The following PPP2R2D variants were observed in gnomAD, a reference collection of about 807,000 sequenced individuals.
The protein encoded by PPP2R2D is protein phosphatase 2 regulatory subunit Bdelta.
Under a neutral mutation model 31.1 loss-of-function variants are expected in PPP2R2D, and 9 were observed. The ratio of observed to expected loss-of-function variants is 0.29; its 90% CI spans 0.17 to 0.51. The LOEUF (loss-of-function observed/expected upper bound fraction) is 0.51. PPP2R2D is among the 20% of genes least tolerant of loss of function. The pLI is 0.98. For missense variants in PPP2R2D, 391 were observed against 465.6 expected, an observed-to-expected ratio of 0.84 and a Z score of 1.48; for synonymous variants, 179 against 172.6, an observed-to-expected ratio of 1.04 and a Z score of -0.29.
Position 131,947,699 on chromosome 10 carries a change from G to C in PPP2R2D, c.990G>C (p.Gln330His), listed in dbSNP as rs782691603. Reference sequence around the variant, plus strand: ...AGAGCAGGCCGGTGGAGACCCACCAGGTCCACGAGTACCTGCGCAGCAAGC... The same window carrying C: ...AGAGCAGGCCGGTGGAGACCCACCACGTCCACGAGTACCTGCGCAGCAAGC... ...NMESRPVETH[Q>H]VHEYLRSKLC... is the part of the protein sequence containing the mutation. Residue 330 changes from glutamine (Q) to histidine (H), a missense_variant, in exon 8 of 9, where the codon CAG becomes CAC. Gln to His is a conservative substitution (Grantham distance 24, BLOSUM62 0). Coordinates refer to ENST00000455566, the MANE Select transcript of PPP2R2D (RefSeq NM_018461.5). The surrounding 1 kb of genome is among the most constrained non-coding windows in gnomAD (Gnocchi z 4.3). 1.2e-6 allele frequency: 2 copies of C among 1,614,208 alleles called. No homozygotes were observed. Among genetic ancestry groups the C allele is most frequent in the Non-Finnish European group, 8.5e-7 (1 of 1,180,040 alleles).
At chr10:131,971,372 G>A in the PPP2R2D span, 5 of 244,818 alleles carry the variant, frequency 2.0e-5, no homozygotes, top group African/African-American at 9.1e-5. Flanking sequence ...GCTCAAAACA[G>A]GGACATGACG....
Position 131,940,191 on chromosome 10 carries a change from C to T in PPP2R2D, c.359C>T (p.Thr120Ile), listed in dbSNP as rs1554897022. The change falls in exon 4 of 9, where the codon ACA (threonine) becomes ATA (isoleucine). Residue 120 changes from threonine to isoleucine, a missense_variant. Thr to Ile is a moderately conservative substitution (Grantham distance 89). Around this residue, in one of 3 missense-constraint regions of PPP2R2D, gnomAD observed 105 missense variants for 98.5 expected, o/e 1.07. Coordinates refer to ENST00000455566, the MANE Select transcript of PPP2R2D (RefSeq NM_018461.5). The stretch of plus-strand genomic sequence containing the variant: ...AATGCTGCTCATTTTCTACTGTCTA[C>T]AAATGGTAAGAATTGTGTTCTAAGT... ...QQNAAHFLLS[T>I]NDKTIKLWKI... The T allele has an allele frequency of 6.7e-6, 5 of 741,186 alleles. No individual in the cohort carries two copies. The allele number at this position is 741,186 out of a possible 1,614,324, so 45.9% of individuals were successfully genotyped here.
chr10:131,927,035 G>T (rs920582046), intron 2 of PPP2R2D, among the ~76,000 whole-genome samples: 19 of 152,254 alleles, frequency 1.2e-4, no homozygotes, highest in Non-Finnish European at 2.4e-4. Context: ...GGGTCATCCC[G>T]CTCCAGGTGG....
chr10:131,925,178 A>G (rs2036080613), intron 2 of PPP2R2D, among the ~76,000 whole-genome samples: 1 of 152,190 alleles, frequency 6.6e-6, no homozygotes, highest in South Asian at 2.1e-4. Context: ...TAGAATTTCC[A>G]GTAGAATGTT....
chr10:131,916,275 A>G (rs566294375), intron 2 of PPP2R2D, among the ~76,000 whole-genome samples: 194 of 151,078 alleles, frequency 1.3e-3, no homozygotes, highest in African/African-American at 4.5e-3. Context: ...GGTTTGGGCC[A>G]TGTTTCACTT....
intron 2 of PPP2R2D, among the ~76,000 whole-genome samples, 186 bp from the exon 3 acceptor site, chr10:131,934,272 G>T (rs369291868): frequency 6.6e-6 from 1 of 152,168 alleles, no homozygotes; most frequent in South Asian, 2.1e-4. Context: ...TGTGCCGGCA[G>T]GTTCTCTGCA....
rs527317977 is a variant in PPP2R2D, at chr10:131,959,227, G to A, written c.*3264G>A. On this transcript the variant is annotated 3_prime_UTR_variant, in exon 9 of 9. Transcript: ENST00000455566. ...CCCGTCCTCCTGTGGAGATGAAGGC[G>A]TGTGCTGATCCCCCGTCCCCCTGTG... 47 of 177,792 alleles carry A rather than the reference G, an allele frequency of 2.6e-4. No individual in the cohort carries two copies. Among genetic ancestry groups the A allele is most frequent in the African/African-American group, 1.0e-3 (38 of 37,198 alleles). The allele number at this position is 177,792 out of a possible 1,614,324, so 11.0% of individuals were successfully genotyped here.
intron 2 of PPP2R2D, among the ~76,000 whole-genome samples, chr10:131,929,744 A>G (rs1554895423): frequency 6.6e-6 from 1 of 152,062 alleles, no homozygotes; most frequent in African/African-American, 2.4e-5. Flanking sequence ...CCTGGGGCAC[A>G]TGGTCCTGAC....
At chr10:131,907,383 C>T in intron 2 of PPP2R2D, among the ~76,000 whole-genome samples, 1 of 152,140 alleles carries the variant, frequency 6.6e-6, no homozygotes, top group Middle Eastern at 3.2e-3. Flanking sequence ...TAATATTTTG[C>T]AGTTTGACTT....
chr10:131,920,443 G>A (rs115083911), intron 2 of PPP2R2D, among the ~76,000 whole-genome samples: 1 of 152,210 alleles, frequency 6.6e-6, no homozygotes, highest in Non-Finnish European at 1.5e-5. Context: ...AGTGTTTGTG[G>A]GGACCTCACG....
At position 131,945,541 on chromosome 10, in the gene PPP2R2D, G is replaced by T; in HGVS notation, c.820+82G>T. On this transcript the variant is annotated intron_variant, in intron 7 of 8. Coordinates refer to ENST00000455566, the MANE Select transcript of PPP2R2D (RefSeq NM_018461.5). The surrounding 1 kb of genome is among the most constrained non-coding windows in gnomAD (Gnocchi z 4.8). ...GTGACACAGTCTCGGCTCACGGCAA[G>T]CTCCGCCTCCCGGGTTCCAGCAAGT... 1 of 1,478,838 alleles carries T rather than the reference G, an allele frequency of 6.8e-7. No individual in the cohort carries two copies. The highest frequency in any genetic ancestry group is 9.1e-7 in the Non-Finnish European group (1 of 1,100,826). 91.6% of individuals were successfully genotyped at this position (1,478,838 alleles called of 1,614,324 possible).
At chr10:131,951,060 ACCATGAATGGGGTTT>A (rs2036627076) in intron 8 of PPP2R2D, among the ~76,000 whole-genome samples, 1 of 152,238 alleles carries the variant, frequency 6.6e-6, no homozygotes, top group South Asian at 2.1e-4. Flanking sequence ...AAGAGCAAAA[ACCATGAATGGGGTTT>A]CGCAGAAATG....
intron 3 of PPP2R2D, chr10:131,935,087 G>A (rs1421406381): frequency 2.4e-6 from 1 of 409,276 alleles, no homozygotes; most frequent in African/African-American, 2.0e-5. Context: ...TGTGGGCCTT[G>A]GAGGAGCCCA....
chr10:131,907,002 G>A (rs1054437627), intron 2 of PPP2R2D, among the ~76,000 whole-genome samples: 1 of 151,578 alleles, frequency 6.6e-6, no homozygotes, highest in Non-Finnish European at 1.5e-5. Context: ...AATTAGGTGT[G>A]TCTTTTATAT....
chr10:131,924,266 T>C (rs1483884671), intron 2 of PPP2R2D, among the ~76,000 whole-genome samples: 1 of 152,176 alleles, frequency 6.6e-6, no homozygotes, highest in African/African-American at 2.4e-5. Context: ...ATTTATTCAT[T>C]TAGCTCTTAC....
Position 131,915,055 on chromosome 10 carries a change from G to A in PPP2R2D, c.100+13725G>A, listed in dbSNP as rs185557474. On this transcript the variant is annotated intron_variant, in intron 2 of 8. Coordinates refer to ENST00000455566, the MANE Select transcript of PPP2R2D (RefSeq NM_018461.5). The stretch of plus-strand genomic sequence containing the variant: ...TTTTCTGGAATTTTAATGGTTTTAG[G>A]CTGCCATTTTGTCATGTTTGAAAAT... 1.4e-3 allele frequency among the ~76,000 whole-genome samples: 211 copies of A among 151,350 alleles called. 1 individual carries two copies. The highest frequency in any genetic ancestry group is 6.8e-3 in the Middle Eastern group (2 of 294).
intron 2 of PPP2R2D, among the ~76,000 whole-genome samples, chr10:131,901,993 T>C (rs1046476979): frequency 4.6e-5 from 7 of 152,206 alleles, no homozygotes; most frequent in Middle Eastern, 3.2e-3. Context: ...AGTTCACTGG[T>C]CTTTTCCTTA....
At chr10:131,931,868 G>A (rs1450062538) in intron 2 of PPP2R2D, among the ~76,000 whole-genome samples, 12 of 152,168 alleles carry the variant, frequency 7.9e-5, no homozygotes, top group Non-Finnish European at 1.2e-4. Flanking sequence ...GATGGCGGCC[G>A]GTAGCCAGTG....
At chr10:131,926,135 A>G (rs771130723) in intron 2 of PPP2R2D, among the ~76,000 whole-genome samples, 112 of 152,276 alleles carry the variant, frequency 7.4e-4, no homozygotes, top group African/African-American at 2.6e-3. Context: ...TCCTGCCTCT[A>G]TCAGTAATTC....
Sources: allele counts gnomAD v4.1 joint callset (sites outside exome capture counted in the v4.1 genomes callset), GRCh38; gene constraint gnomAD v4.1.1; regional missense constraint gnomAD v4.1.1; non-coding constraint Gnocchi (gnomAD v3.1); transcripts MANE v1.5; gene names NCBI Gene and HGNC (gene_info 2026-07-23, HGNC 2026-07-21).